Variants in PRKCQ observed in about 807,000 individuals in gnomAD.
PRKCQ encodes protein kinase C theta type.
PRKCQ carries 41 observed loss-of-function variants against 91.2 expected under a neutral mutation model. That is an observed-to-expected ratio of 0.45 (90% CI 0.35 to 0.58). The LOEUF (loss-of-function observed/expected upper bound fraction) is 0.58, where lower values mean the gene tolerates loss of function less well. Ranked by LOEUF, PRKCQ falls within the 20% of genes least tolerant of loss-of-function variation. PRKCQ has a pLI of 0.00. For synonymous variants in PRKCQ, 307 were observed against 316.9 expected (o/e 0.97, Z 0.33); for missense variants, 673 against 896.5 (o/e 0.75, Z 3.18).
At chr10:6,448,500 C>T (rs566251744) in intron 15 of PRKCQ, among the ~76,000 whole-genome samples, 1 of 152,172 alleles carries the variant, frequency 6.6e-6, no homozygotes, top group South Asian at 2.1e-4. Context: ...CCTCCGCCTC[C>T]CGGGTTCAGG....
chr10:6,425,790 A>G (rs888700213), downstream of PRKCQ, among the ~76,000 whole-genome samples: 2 of 152,174 alleles, frequency 1.3e-5, no homozygotes, highest in African/African-American at 4.8e-5. Context: ...CTCTGTCTCT[A>G]ATTCAAAAAA....
chr10:6,498,213 A>G (rs920371250), intron 5 of PRKCQ, among the ~76,000 whole-genome samples, 183 bp downstream of exon 5: 1 of 151,672 alleles, frequency 6.6e-6, no homozygotes, highest in African/African-American at 2.4e-5. Flanking sequence ...TGGCTTCCTC[A>G]TGCACCTCTT....
chr10:6,457,602 G>C (rs1199859051), intron 14 of PRKCQ, among the ~76,000 whole-genome samples: 1 of 152,116 alleles, frequency 6.6e-6, no homozygotes, highest in Non-Finnish European at 1.5e-5. Context: ...AAACATTCTG[G>C]CCTCTACCTT....
In PRKCQ at chr10:6,430,127, T is replaced by C. The variant is rs1420790733; in HGVS notation, c.1965+683A>G. Among the ~76,000 whole-genome samples, 1 of 152,228 alleles carries C rather than the reference T, an allele frequency of 6.6e-6. No homozygotes were observed. The highest frequency in any genetic ancestry group is 2.4e-5 in the African/African-American group (1 of 41,458). On this transcript the variant is annotated intron_variant, in intron 17 of 17. Transcript: ENST00000263125. The surrounding 1 kb of genome is among the most constrained non-coding windows in gnomAD (Gnocchi z 4.7). ...GCCTCGGCTTTCCAAAGTGCTGGGA[T>C]TACAGGCGTGAGCCACCATGCCCAG...
chr10:6,484,438 GC>G (rs1318047336), intron 10 of PRKCQ, among the ~76,000 whole-genome samples: 1 of 152,118 alleles, frequency 6.6e-6, no homozygotes, highest in African/African-American at 2.4e-5. Flanking sequence ...AAAAGATGCT[GC>G]CTATGTTGAT....
In PRKCQ at chr10:6,485,377, G is replaced by T. The variant is rs1397598067; in HGVS notation, c.901-108C>A. On this transcript the variant is annotated intron_variant, in intron 9 of 17. Transcript: ENST00000263125. ...CCATTTAAAATGTTTAAATGCATAGGGTCAACAAAGATCTCCTTATCCTCA... is the reference window on the plus strand; with the variant it reads ...CCATTTAAAATGTTTAAATGCATAGTGTCAACAAAGATCTCCTTATCCTCA... 11 of 823,210 alleles carry T rather than the reference G, an allele frequency of 1.3e-5. No homozygotes were observed. The East Asian group carries it at 2.7e-4, about 20-fold the overall frequency. 51.0% of individuals were successfully genotyped at this position (823,210 alleles called of 1,614,324 possible).
rs34610362 is a variant in PRKCQ, at chr10:6,479,767, T to TAAAA, written c.1180-606_1180-603dup. Among the ~76,000 whole-genome samples, 89 of 38,994 alleles carry TAAAA rather than the reference T, an allele frequency of 2.3e-3. 2 individuals carry two copies. Among genetic ancestry groups the TAAAA allele is most frequent in the South Asian group, 0.017 (12 of 692 alleles). The allele number at this position is 38,994 out of a possible 152,430, so 25.6% of individuals were successfully genotyped here. The stretch of plus-strand genomic sequence containing the variant: ...CAACATGGTGAAACCCCGTCTCGAC[T>TAAAA]AAAAAAAAAAAAAAAAAAAAAAAAA... On this transcript the variant is annotated intron_variant, in intron 11 of 17. Coordinates refer to ENST00000263125, the MANE Select transcript of PRKCQ (RefSeq NM_006257.5).
At chr10:6,534,533 G>A (rs1839504101) in intron 1 of PRKCQ, among the ~76,000 whole-genome samples, 1 of 151,936 alleles carries the variant, frequency 6.6e-6, no homozygotes, top group East Asian at 1.9e-4. Flanking sequence ...AGAAGGAAAT[G>A]TGTATTAAAT....
At chr10:6,517,588 C>CTT (rs56306878) in intron 1 of PRKCQ, among the ~76,000 whole-genome samples, 1,484 of 49,446 alleles carry the variant, frequency 0.03, 189 homozygotes, top group African/African-American at 0.05. Flanking sequence ...AAGATAGCAT[C>CTT]TTTTTTTTTT....
intron 1 of PRKCQ, among the ~76,000 whole-genome samples, chr10:6,538,547 T>C (rs1297822475): frequency 6.6e-6 from 1 of 152,234 alleles, no homozygotes; most frequent in African/African-American, 2.4e-5. Flanking sequence ...CCTCCCTGGC[T>C]CCTCCTGCCT....
intron 4 of PRKCQ, among the ~76,000 whole-genome samples, chr10:6,503,839 C>G (rs1225346798): frequency 7.2e-5 from 11 of 152,176 alleles, no homozygotes; most frequent in African/African-American, 2.4e-4. Context: ...TGCAGTGGCA[C>G]TATCTTGGCT....
intron 16 of PRKCQ, among the ~76,000 whole-genome samples, chr10:6,439,226 C>T (rs910951219): frequency 3.3e-5 from 5 of 152,140 alleles, no homozygotes; most frequent in Non-Finnish European, 5.9e-5. Flanking sequence ...AATACTGTGC[C>T]TGTATTCTCG....
intron 1 of PRKCQ, among the ~76,000 whole-genome samples, chr10:6,572,830 C>G (rs1460299449): frequency 6.6e-6 from 1 of 152,122 alleles, no homozygotes; most frequent in Non-Finnish European, 1.5e-5. Flanking sequence ...AATGGTTGGA[C>G]TAATTTACAT....
chr10:6,436,324 T>G (rs1249416980), intron 16 of PRKCQ, among the ~76,000 whole-genome samples: 4 of 152,172 alleles, frequency 2.6e-5, no homozygotes, highest in Non-Finnish European at 4.4e-5. Flanking sequence ...TAATTATAGA[T>G]TCACAGGATG....
chr10:6,530,645 C>T (rs1839360066), intron 1 of PRKCQ, among the ~76,000 whole-genome samples: 2 of 152,158 alleles, frequency 1.3e-5, no homozygotes, highest in Non-Finnish European at 1.5e-5. Flanking sequence ...TCTATCTGGG[C>T]AGATGCATGC....
chr10:6,574,789 C>T (rs1841166543), intron 1 of PRKCQ, among the ~76,000 whole-genome samples: 1 of 152,212 alleles, frequency 6.6e-6, no homozygotes, highest in Admixed American at 6.5e-5. Flanking sequence ...CTGGACTGCA[C>T]TGGGATTCCA....
At chr10:6,426,331 A>AAGCAG (rs1392221193), downstream of PRKCQ, among the ~76,000 whole-genome samples, 5 of 152,194 alleles carry the variant, frequency 3.3e-5, no homozygotes, top group Non-Finnish European at 7.4e-5. Flanking sequence ...AGCAAATGCA[A>AAGCAG]AGCAGAGCAG....
intron 1 of PRKCQ, among the ~76,000 whole-genome samples, chr10:6,516,389 AC>A (rs1236414547): frequency 2.0e-5 from 3 of 152,182 alleles, no homozygotes; most frequent in African/African-American, 4.8e-5. Context: ...GGTTGGGTAA[AC>A]ATCATGATTT....
At chr10:6,490,368 G>A (rs1312959690) in intron 8 of PRKCQ, among the ~76,000 whole-genome samples, 5 of 151,978 alleles carry the variant, frequency 3.3e-5, no homozygotes, top group African/African-American at 1.2e-4. Context: ...CAGTAGCACT[G>A]ATCAAAATAG....
Sources: gnomAD v4.1 joint callset for allele counts (sites outside exome capture counted in the v4.1 genomes callset) on GRCh38, gnomAD v4.1.1 for gene constraint, Gnocchi (gnomAD v3.1) non-coding constraint, MANE v1.5 for transcripts, NCBI Gene and HGNC (gene_info 2026-07-23, HGNC 2026-07-21) for gene names.